Variants in BLOC1S1 observed in about 807,000 individuals in gnomAD.
BLOC1S1 encodes biogenesis of lysosome-related organelles complex 1 subunit 1.
BLOC1S1 carries 11 observed loss-of-function variants against 19.0 expected under a neutral mutation model. The observed-to-expected ratio is 0.58, with a 90% CI of 0.37 to 0.96. BLOC1S1 has a LOEUF of 0.96. BLOC1S1 is among the 40% of genes least tolerant of loss of function. BLOC1S1 has a pLI of 0.01. For missense variants in BLOC1S1, 220 were observed against 195.9 expected (o/e 1.12, Z -0.73); for synonymous variants, 94 against 76.4 (o/e 1.23, Z -1.20).
In BLOC1S1 at chr12:55,716,964, G is replaced by C; in HGVS notation, c.177G>C (p.Ala59=). 6.3e-7 allele frequency: 1 copy of C among 1,596,024 alleles called. No homozygotes were observed. The highest frequency in any genetic ancestry group is 8.5e-7 in the Non-Finnish European group (1 of 1,172,376). Residue 59 remains alanine, a synonymous_variant, in exon 2 of 4, where the codon GCG becomes GCC. Coordinates refer to ENST00000548925, the MANE Select transcript of BLOC1S1 (RefSeq NM_001487.4). ...EKRRREAITA[A]TCLTEALVDH... ...GGAGGCGAGAGGCTATCACTGCAGC[G>C]ACCTGCCTGACAGAAGCTTTGGTGG...
Position 55,716,131 on chromosome 12 carries a change from T to A in BLOC1S1, c.80T>A (p.Val27Glu). 6.2e-7 allele frequency: 1 copy of A among 1,611,018 alleles called. No individual in the cohort carries two copies. The change falls in exon 1 of 4, where the codon GTG becomes GAG. Residue 27 changes from valine to glutamate, a missense_variant. By Grantham distance (121) the Val-to-Glu change is moderately radical. Coordinates refer to ENST00000548925, the MANE Select transcript of BLOC1S1 (RefSeq NM_001487.4). ...GPGVPSPQPD[V>E]TMLSRLLKEH... Reference sequence around the variant, plus strand: ...GGCGTACCCAGCCCCCAGCCCGACGTGACCATGCTGTCCCGCCTCCTAAAA... The same window carrying A: ...GGCGTACCCAGCCCCCAGCCCGACGAGACCATGCTGTCCCGCCTCCTAAAA...
intron 1 of BLOC1S1, 55 bp downstream of exon 1, chr12:55,716,251 C>T: frequency 1.3e-6 from 2 of 1,558,928 alleles, no homozygotes. Context: ...TAGCTTCAGC[C>T]CGGAGCCTGG....
At position 55,716,099 on chromosome 12, in the gene BLOC1S1, G is replaced by C. The variant is rs769138929; in HGVS notation, c.48G>C (p.Arg16Ser). ...RGERSSFRSR[R>S]GPGVPSPQPD... The stretch of plus-strand genomic sequence containing the variant: ...AGCGTTCCAGCTTCCGGAGCCGGAG[G>C]GGGCCCGGCGTACCCAGCCCCCAGC... The change falls in exon 1 of 4, where the codon AGG (arginine) becomes AGC (serine). Residue 16 changes from arginine to serine, a missense_variant. Coordinates refer to ENST00000548925, the MANE Select transcript of BLOC1S1 (RefSeq NM_001487.4). The C allele has an allele frequency of 1.8e-4, 283 of 1,597,078 alleles. No homozygotes were observed. Among genetic ancestry groups the C allele is most frequent in the Non-Finnish European group, 2.4e-4 (282 of 1,172,432 alleles).
chr12:55,716,811 T>G, intron 1 of BLOC1S1, 122 bp from the exon 2 acceptor site: 4 of 1,274,588 alleles, frequency 3.1e-6, no homozygotes, highest in Non-Finnish European at 4.3e-6. Flanking sequence ...AGCTCCGGCA[T>G]TCAGAGATTA....
intron 3 of BLOC1S1, 91 bp downstream of exon 3, chr12:55,719,314 G>T: frequency 6.3e-7 from 1 of 1,599,488 alleles, no homozygotes; most frequent in South Asian, 1.1e-5. Flanking sequence ...TAAGGAGGAA[G>T]TAGGGTGGTC....
chr12:55,717,137 C>G, intron 2 of BLOC1S1, 132 bp downstream of exon 2: 2 of 647,116 alleles, frequency 3.1e-6, no homozygotes, highest in Non-Finnish European at 5.0e-6. Flanking sequence ...TACCCCGCCC[C>G]TCCCAGCTCT....
At chr12:55,716,535 T>C (rs1479622996) in intron 1 of BLOC1S1, 18 of 1,230,090 alleles carry the variant, frequency 1.5e-5, no homozygotes, top group Non-Finnish European at 1.7e-5. Context: ...GAGGAGGGTG[T>C]GGGGAACCCC....
chr12:55,719,282 T>C, intron 3 of BLOC1S1, 59 bp downstream of exon 3: 1 of 1,612,278 alleles, frequency 6.2e-7, no homozygotes, highest in South Asian at 1.1e-5. Context: ...CTGCCTCCAG[T>C]CAGGTTACCT....
In BLOC1S1 at chr12:55,719,594, G is replaced by A; in HGVS notation, c.447G>A (p.Gln149=). 1.2e-6 allele frequency: 2 copies of A among 1,613,976 alleles called. No homozygotes were observed. The highest frequency in any genetic ancestry group is 1.7e-6 in the Non-Finnish European group (2 of 1,179,906). ...AATATGTCTACAAAGGGCAGCTGCA[G>A]TCTGCCCCTTCCTAGCCCCTGTTCC... ...ALEYVYKGQL[Q]SAPS is the part of the protein sequence containing the mutation. Residue 149 remains glutamine, a synonymous_variant, in exon 4 of 4, where the codon CAG becomes CAA. Transcript: ENST00000548925.
chr12:55,716,393 T>C (rs1461980051), intron 1 of BLOC1S1, 197 bp downstream of exon 1: 1 of 1,407,410 alleles, frequency 7.1e-7, no homozygotes, highest in Non-Finnish European at 9.2e-7. Context: ...CCTTGGGCAA[T>C]ACTCCGGTCC....
At chr12:55,718,614 G>C (rs1049774480) in intron 2 of BLOC1S1, among the ~76,000 whole-genome samples, 1 of 152,070 alleles carries the variant, frequency 6.6e-6, no homozygotes, top group Non-Finnish European at 1.5e-5. Flanking sequence ...TTTTGACCCA[G>C]GGTTCCTGGG....
chr12:55,716,926 TC>T lies in BLOC1S1; in HGVS notation c.146-3del. ...TCCCCTCCAATTCCTTTTCCCCCTCTCCCCAGAAAAGAGGAGGCGAGAGGCT... is the reference window on the plus strand; with the variant it reads ...TCCCCTCCAATTCCTTTTCCCCCTCTCCCAGAAAAGAGGAGGCGAGAGGCT... On this transcript the variant is annotated splice_polypyrimidine_tract_variant and splice_region_variant and intron_variant, in intron 1 of 3. Transcript: ENST00000548925. The T allele has an allele frequency of 6.3e-7, 1 of 1,579,840 alleles. No individual in the cohort carries two copies. Among genetic ancestry groups the T allele is most frequent in the South Asian group, 1.2e-5 (1 of 85,544 alleles).
At chr12:55,716,847 A>T (rs1452489155) in intron 1 of BLOC1S1, 86 bp from the exon 2 acceptor site, 1 of 1,389,476 alleles carries the variant, frequency 7.2e-7, no homozygotes, top group African/African-American at 1.5e-5. Context: ...CAACTAGCAG[A>T]ATAGTAATGG....
intron 1 of BLOC1S1, 96 bp from the exon 2 acceptor site, chr12:55,716,837 C>A: frequency 7.4e-7 from 1 of 1,344,522 alleles, no homozygotes; most frequent in Non-Finnish European, 1.0e-6. Flanking sequence ...GAAATTTCGG[C>A]AACTAGCAGA....
At position 55,717,003 on chromosome 12, in the gene BLOC1S1, G is replaced by T. The variant is rs1876605195; in HGVS notation, c.216G>T (p.Val72=). Residue 72 remains valine, a splice_region_variant and synonymous_variant, in exon 2 of 4, where the codon GTG becomes GTT. Coordinates refer to ENST00000548925, the MANE Select transcript of BLOC1S1 (RefSeq NM_001487.4). ...LTEALVDHLN[V]GVAQAYMNQR... ...AAGCTTTGGTGGATCACCTCAATGT[G>T]GGGTATGGACCTCTTATCAACATCA... 2 of 1,593,640 alleles carry T rather than the reference G, an allele frequency of 1.3e-6. No homozygotes were observed. The highest frequency in any genetic ancestry group is 1.7e-6 in the Non-Finnish European group (2 of 1,171,350).
intron 2 of BLOC1S1, among the ~76,000 whole-genome samples, chr12:55,717,345 A>G (rs1221682070): frequency 6.6e-6 from 1 of 152,100 alleles, no homozygotes; most frequent in East Asian, 1.9e-4. Flanking sequence ...ACCCTCCTTC[A>G]TTACAGCTTA....
intron 1 of BLOC1S1, chr12:55,716,444 C>A: frequency 2.2e-6 from 3 of 1,356,136 alleles, no homozygotes; most frequent in Non-Finnish European, 2.8e-6. Flanking sequence ...CGCACCTTAG[C>A]CCCGCCCCTG....
At chr12:55,716,399 G>C in intron 1 of BLOC1S1, 3 of 1,396,872 alleles carry the variant, frequency 2.1e-6, no homozygotes, top group Non-Finnish European at 2.8e-6. Flanking sequence ...GCAATACTCC[G>C]GTCCCCTCGG....
intron 2 of BLOC1S1, among the ~76,000 whole-genome samples, chr12:55,718,371 G>A (rs1015342730): frequency 2.0e-5 from 3 of 152,178 alleles, no homozygotes; most frequent in Non-Finnish European, 4.4e-5. Context: ...GCAGGGGTTG[G>A]GGAGGGCAAA....
Sources: allele counts gnomAD v4.1 joint callset (sites outside exome capture counted in the v4.1 genomes callset), GRCh38; gene constraint gnomAD v4.1.1; transcripts MANE v1.5; gene names NCBI Gene and HGNC (gene_info 2026-07-23, HGNC 2026-07-21).